The following VAC14 variants were observed in gnomAD, a reference collection of about 807,000 sequenced individuals.
VAC14 encodes the protein VAC14 component of PIKFYVE complex.
Under a neutral mutation model 85.3 loss-of-function variants are expected in VAC14, and 47 were observed. The ratio of observed to expected loss-of-function variants is 0.55; its 90% confidence interval spans 0.44 to 0.70. The LOEUF (loss-of-function observed/expected upper bound fraction) is 0.70. Ranked by LOEUF, VAC14 falls within the 30% of genes least tolerant of loss-of-function variation. The pLI is 0.00. For missense variants in VAC14, 861 were observed against 1,004.3 expected, an observed-to-expected ratio of 0.86 and a Z score of 1.93; for synonymous variants, 447 against 430.5, an observed-to-expected ratio of 1.04 and a Z score of -0.47.
At chr16:70,722,104 C>T (rs922294234) in intron 14 of VAC14, among the ~76,000 whole-genome samples, 4 of 152,212 alleles carry the variant, frequency 2.6e-5, no homozygotes, top group Admixed American at 1.3e-4. Context: ...ACGAGGACAA[C>T]GGCAAATGAC....
intron 15 of VAC14, 113 bp from the exon 16 acceptor site, chr16:70,697,370 G>A (rs1443413292): frequency 3.7e-6 from 3 of 800,246 alleles, no homozygotes; most frequent in South Asian, 1.8e-5. Context: ...GCCTTCAGTC[G>A]GGGGCAGCCA....
chr16:70,800,600 G>A (rs2034745519), intron 1 of VAC14, among the ~76,000 whole-genome samples, 197 bp downstream of exon 1: 1 of 152,192 alleles, frequency 6.6e-6, no homozygotes, highest in South Asian at 2.1e-4. Flanking sequence ...TTAAAAAGCT[G>A]GGACCAAATC....
intron 14 of VAC14, among the ~76,000 whole-genome samples, chr16:70,718,163 A>G (rs918325561): frequency 2.0e-5 from 3 of 152,220 alleles, no homozygotes; most frequent in African/African-American, 4.8e-5. Flanking sequence ...TACTGAGTGC[A>G]CAAGTTACTA....
At chr16:70,725,792 C>A (rs2054410022) in intron 14 of VAC14, among the ~76,000 whole-genome samples, 2 of 152,194 alleles carry the variant, frequency 1.3e-5, no homozygotes. Context: ...TCTCCAAATG[C>A]CCGCCTCATC....
intron 12 of VAC14, among the ~76,000 whole-genome samples, chr16:70,758,391 G>A (rs2032044762): frequency 6.6e-6 from 1 of 152,212 alleles, no homozygotes; most frequent in Non-Finnish European, 1.5e-5. Context: ...TTAGAGCTAG[G>A]ATTCAAGCCA....
intron 13 of VAC14, among the ~76,000 whole-genome samples, chr16:70,734,356 C>G (rs570336202): frequency 1.5e-4 from 23 of 151,796 alleles, no homozygotes; most frequent in Non-Finnish European, 3.2e-4. Flanking sequence ...TAGTCTCAAA[C>G]TCCTGGGCCC....
intron 13 of VAC14, among the ~76,000 whole-genome samples, chr16:70,743,817 C>T (rs764111533): frequency 2.1e-4 from 32 of 152,314 alleles, no homozygotes; most frequent in Non-Finnish European, 4.6e-4. Context: ...AACGTGTCCT[C>T]AGGCATTTTC....
Position 70,762,072 on chromosome 16 carries a change from T to A in VAC14, c.1371+468A>T, listed in dbSNP as rs1465172929. ...CTGCCCCAGCTGCTCCAGAAGGGACTACAGAAGAGTCCTCACTCCTAAAGT... is the reference window on the plus strand; with the variant it reads ...CTGCCCCAGCTGCTCCAGAAGGGACAACAGAAGAGTCCTCACTCCTAAAGT... On this transcript the variant is annotated intron_variant, in intron 12 of 18. Coordinates refer to ENST00000261776, the MANE Select transcript of VAC14 (RefSeq NM_018052.5). This position sits in a 1 kb window ranked among gnomAD's most constrained non-coding sequence, Gnocchi z 4.1. Among the ~76,000 whole-genome samples the A allele has an allele frequency of 1.3e-5, 2 of 151,756 alleles. No individual in the cohort carries two copies. The highest frequency in any genetic ancestry group is 4.8e-5 in the African/African-American group (2 of 41,292).
intron 14 of VAC14, among the ~76,000 whole-genome samples, chr16:70,726,181 C>T (rs917467342): frequency 6.6e-5 from 10 of 152,212 alleles, no homozygotes; most frequent in Non-Finnish European, 1.2e-4. Context: ...GGATGGTTCA[C>T]GGGGAGACAA....
chr16:70,793,385 A>G (rs893593581), intron 1 of VAC14, among the ~76,000 whole-genome samples: 4 of 152,210 alleles, frequency 2.6e-5, no homozygotes, highest in African/African-American at 9.6e-5. Flanking sequence ...CATTACACCC[A>G]TTTTACAGTT....
At chr16:70,714,754 A>G (rs187368400) in intron 14 of VAC14, 1 of 152,374 alleles carries the variant, frequency 6.6e-6, no homozygotes, top group East Asian at 1.9e-4. Flanking sequence ...AGCAGCACTG[A>G]ACCTTCCAGA....
intron 12 of VAC14, chr16:70,761,287 C>A (rs1026561705): frequency 4.0e-5 from 14 of 352,208 alleles, no homozygotes; most frequent in Non-Finnish European, 6.2e-5. Flanking sequence ...CCATCCCCCC[C>A]ACCCAGCCTC....
In VAC14 at chr16:70,687,799, C is replaced by A; in HGVS notation, c.*129G>T. 9.3e-7 allele frequency: 1 copy of A among 1,079,278 alleles called. No homozygotes were observed. The highest frequency in any genetic ancestry group is 1.2e-6 in the Non-Finnish European group (1 of 830,758). 66.9% of individuals were successfully genotyped at this position (1,079,278 alleles called of 1,614,324 possible). On this transcript the variant is annotated 3_prime_UTR_variant, in exon 19 of 19. Coordinates refer to ENST00000261776, the MANE Select transcript of VAC14 (RefSeq NM_018052.5). Reference sequence around the variant, plus strand: ...GGGCAGACACAGCAGCCTCCGGCCCCAACACTGCCCTGGGTTGGCAGGCCC... The same window carrying A: ...GGGCAGACACAGCAGCCTCCGGCCCAAACACTGCCCTGGGTTGGCAGGCCC...
intron 1 of VAC14, among the ~76,000 whole-genome samples, chr16:70,788,142 T>A (rs1451812136): frequency 6.6e-6 from 1 of 152,244 alleles, no homozygotes; most frequent in African/African-American, 2.4e-5. Flanking sequence ...TGTCCATTAG[T>A]CTGTGTGGTT....
chr16:70,783,647 C>T, intron 5 of VAC14, 93 bp from the exon 6 acceptor site: 1 of 1,244,216 alleles, frequency 8.0e-7, no homozygotes, highest in East Asian at 2.3e-5. Flanking sequence ...GGAAGGGGAC[C>T]CTGCTGAGAC....
rs148622418 is a variant in VAC14, at chr16:70,731,522, A to C, written c.1634T>G (p.Leu545Arg). ...GATGATGAAAGGGCCTCTGACCTCC[A>C]GGAGCTTCCGTTCGCTGCTGAATCT... ...LKRFSSERKL[L>R]EVRGPFIIRQ... The change falls in exon 14 of 19, where the codon CTG (leucine) becomes CGG (arginine). Residue 545 changes from leucine to arginine, a missense_variant. Leu to Arg is a moderately radical substitution (Grantham distance 102). This residue lies in a region of VAC14 where 629 missense variants were observed against 703.1 expected (regional missense o/e 0.89). Coordinates refer to ENST00000261776, the MANE Select transcript of VAC14 (RefSeq NM_018052.5). 2 of 1,614,034 alleles carry C rather than the reference A, an allele frequency of 1.2e-6. No homozygotes were observed. Among genetic ancestry groups the C allele is most frequent in the Non-Finnish European group, 1.7e-6 (2 of 1,179,982 alleles).
chr16:70,691,701 T>C, intron 18 of VAC14: 1 of 985,392 alleles, frequency 1.0e-6, no homozygotes, highest in Non-Finnish European at 1.2e-6. Context: ...CGGTCTTGGT[T>C]GGGGCCACAC....
rs868011974 is a variant in VAC14 at position 70,782,494 on chromosome 16, T to G, written c.812-491A>C. Among the ~76,000 whole-genome samples, 3 of 152,220 alleles carry G rather than the reference T, an allele frequency of 2.0e-5. No individual in the cohort carries two copies. In the South Asian group the frequency reaches 6.2e-4, roughly 32 times the overall value. On this transcript the variant is annotated intron_variant, in intron 7 of 18. Transcript: ENST00000261776. ...TCCAGCTGCCCCCATGGTCCCGGCA[T>G]GACATGAGCCAGACAACTGCCAGAC...
At chr16:70,755,416 C>T (rs1185575831) in intron 12 of VAC14, among the ~76,000 whole-genome samples, 1 of 152,244 alleles carries the variant, frequency 6.6e-6, no homozygotes, top group Non-Finnish European at 1.5e-5. Context: ...AAGGCAGTGC[C>T]TCCACCCTGG....
Sources: gnomAD v4.1 joint callset for allele counts (sites outside exome capture counted in the v4.1 genomes callset) on GRCh38, gnomAD v4.1.1 for gene constraint, gnomAD v4.1.1 regional missense constraint, Gnocchi (gnomAD v3.1) non-coding constraint, MANE v1.5 for transcripts, NCBI Gene and HGNC (gene_info 2026-07-23, HGNC 2026-07-21) for gene names.